FRMD3: variants seen among roughly 807,000 people sequenced by gnomAD.
FRMD3 encodes the protein FERM domain-containing protein 3.
Under a neutral mutation model 70.2 loss-of-function variants are expected in FRMD3, and 33 were observed. That is an observed-to-expected ratio of 0.47 (90% CI 0.36 to 0.63). The LOEUF (loss-of-function observed/expected upper bound fraction) is 0.63, where lower values mean the gene tolerates loss of function less well. Among genes scored for constraint, FRMD3 ranks in the 20% least tolerant of loss-of-function variants. FRMD3 has a pLI of 0.00. For missense variants in FRMD3, 632 were observed against 711.4 expected, an observed-to-expected ratio of 0.89 and a Z score of 1.27; for synonymous variants, 279 against 255.9, an observed-to-expected ratio of 1.09 and a Z score of -0.86.
In FRMD3 at chr9:83,343,103, T is replaced by A. The variant is rs1823829292; in HGVS notation, c.472+87A>T. ...TCTCCAGCCACAGACACAGGCAGGA[T>A]GGCCACGGGTGGGAGAGAAGGGAGG... On this transcript the variant is annotated intron_variant, in intron 5 of 13. Coordinates refer to ENST00000304195, the MANE Select transcript of FRMD3 (RefSeq NM_174938.6). 6 of 929,426 alleles carry A rather than the reference T, an allele frequency of 6.5e-6. No homozygotes were observed. The Admixed American group carries it at 1.1e-4, about 16-fold the overall frequency. The allele number at this position is 929,426 out of a possible 1,614,324, so 57.6% of individuals were successfully genotyped here.
chr9:83,538,138 T>C lies in FRMD3; in HGVS notation c.94A>G (p.Met32Val), dbSNP rs1239811355. The C allele has an allele frequency of 1.2e-6, 2 of 1,613,626 alleles. No homozygotes were observed. The highest frequency in any genetic ancestry group is 1.3e-5 in the African/African-American group (1 of 75,062). Residue 32 changes from methionine (M) to valine (V), a missense_variant, in exon 1 of 14, where the codon ATG (methionine) becomes GTG (valine). Met to Val is a conservative substitution (Grantham distance 21). This residue lies in a region of FRMD3 where 208 missense variants were observed against 247.7 expected (regional missense o/e 0.84). Coordinates refer to ENST00000304195, the MANE Select transcript of FRMD3 (RefSeq NM_174938.6). This position sits in a 1 kb window ranked among gnomAD's most constrained non-coding sequence, Gnocchi z 4.7. ...SSSVKSLSQE[M>V]RCTIRLLDDS... ...TCCAGCAGCCGGATGGTGCATCTCATCTCCTGGCTGAGCGATTTGACGCTG... is the reference window on the plus strand; with the variant it reads ...TCCAGCAGCCGGATGGTGCATCTCACCTCCTGGCTGAGCGATTTGACGCTG...
chr9:83,489,235 A>G (rs568647092), intron 1 of FRMD3, among the ~76,000 whole-genome samples: 18 of 152,308 alleles, frequency 1.2e-4, no homozygotes, highest in Admixed American at 1.0e-3. Flanking sequence ...AGCAATTGCA[A>G]CACAAGCAAA....
chr9:83,578,848 G>T, the FRMD3 span, among the ~76,000 whole-genome samples: 2 of 151,866 alleles, frequency 1.3e-5, no homozygotes, highest in African/African-American at 4.8e-5. Flanking sequence ...GAAATAAAAG[G>T]CATCCAAATA....
upstream of FRMD3, chr9:83,538,446 C>T (rs906159073): frequency 1.6e-5 from 6 of 375,292 alleles, no homozygotes; most frequent in Non-Finnish European, 2.3e-5. This position sits in a 1 kb window ranked among gnomAD's most constrained non-coding sequence, Gnocchi z 4.7. Flanking sequence ...CTCGCCCCCT[C>T]CTTTCCCCGC....
intron 1 of FRMD3, among the ~76,000 whole-genome samples, chr9:83,432,211 C>T (rs1055701209): frequency 6.6e-6 from 1 of 152,186 alleles, no homozygotes; most frequent in African/African-American, 2.4e-5. Context: ...TGCTGGTTAA[C>T]TTGTATGATG....
chr9:83,560,166 A>G, the FRMD3 span, among the ~76,000 whole-genome samples: 1 of 152,188 alleles, frequency 6.6e-6, no homozygotes. Flanking sequence ...TTACACATCC[A>G]TACCTTGGCA....
chr9:83,437,777 GT>G (rs1483324819), intron 1 of FRMD3, among the ~76,000 whole-genome samples: 2 of 152,184 alleles, frequency 1.3e-5, no homozygotes, highest in Non-Finnish European at 2.9e-5. Flanking sequence ...CGGGACACAT[GT>G]GCACCTTCCT....
intron 13 of FRMD3, among the ~76,000 whole-genome samples, chr9:83,253,911 T>C (rs534114391): frequency 3.9e-5 from 6 of 152,280 alleles, no homozygotes; most frequent in African/African-American, 1.4e-4. Flanking sequence ...GTGGCACATA[T>C]ACACCATGGA....
chr9:83,435,039 G>A (rs1827094437), intron 1 of FRMD3, among the ~76,000 whole-genome samples: 1 of 151,988 alleles, frequency 6.6e-6, no homozygotes, highest in South Asian at 2.1e-4. Context: ...ATGTTGGTCA[G>A]GCTGGTCTCG....
chr9:83,285,458 C>A (rs1834168352), intron 13 of FRMD3, among the ~76,000 whole-genome samples: 1 of 152,156 alleles, frequency 6.6e-6, no homozygotes, highest in Non-Finnish European at 1.5e-5. Context: ...CTCCATTGTG[C>A]TTTCATTTTA....
At chr9:83,266,933 C>G in intron 13 of FRMD3, 4 of 1,435,892 alleles carry the variant, frequency 2.8e-6, no homozygotes, top group Non-Finnish European at 2.8e-6. Context: ...CCCTGGGCCT[C>G]TCTCCACCAG....
Position 83,254,823 on chromosome 9 carries a change from C to T in FRMD3, c.1196-6307G>A, listed in dbSNP as rs964612514. 2.6e-5 allele frequency among the ~76,000 whole-genome samples: 4 copies of T among 152,082 alleles called. No individual in the cohort carries two copies. The South Asian group carries it at 8.3e-4, about 32-fold the overall frequency. ...ACACATACACCTTCCCAAGACAGAA[C>T]AGAGAGAAACTGAATATCTGAATAG... On this transcript the variant is annotated intron_variant, in intron 13 of 13. Coordinates refer to ENST00000304195, the MANE Select transcript of FRMD3 (RefSeq NM_174938.6).
chr9:83,266,881 C>T, intron 13 of FRMD3: 1 of 937,454 alleles, frequency 1.1e-6, no homozygotes, highest in Admixed American at 2.6e-5. Flanking sequence ...CCCTTCCTCT[C>T]TCTCTTTTCA....
intron 1 of FRMD3, chr9:83,467,730 G>C (rs1014820447): frequency 7.8e-6 from 12 of 1,528,744 alleles, no homozygotes; most frequent in Non-Finnish European, 9.6e-6. Context: ...CTGTCTCTGG[G>C]AGCTCTAGGG....
intron 1 of FRMD3, among the ~76,000 whole-genome samples, chr9:83,422,934 C>A (rs1260793042): frequency 6.6e-6 from 1 of 152,152 alleles, no homozygotes; most frequent in Non-Finnish European, 1.5e-5. Flanking sequence ...ATTGCTTAGG[C>A]CACCAGGCCA....
chr9:83,547,293 T>C, the FRMD3 span, among the ~76,000 whole-genome samples: 2 of 148,496 alleles, frequency 1.3e-5, no homozygotes, highest in African/African-American at 2.4e-5. Flanking sequence ...TATAATATAA[T>C]ATAACCAAAA....
upstream of FRMD3, among the ~76,000 whole-genome samples, chr9:83,540,653 T>C (rs1829990035): frequency 6.6e-6 from 1 of 151,926 alleles, no homozygotes; most frequent in Non-Finnish European, 1.5e-5. Flanking sequence ...TTGTCAACAA[T>C]AATAATAATA....
At chr9:83,523,290 G>A (rs1164907694) in intron 1 of FRMD3, among the ~76,000 whole-genome samples, 1 of 152,094 alleles carries the variant, frequency 6.6e-6, no homozygotes, top group Admixed American at 6.5e-5. Flanking sequence ...GTGGATAAAT[G>A]ATGAATGAAT....
rs142671764 is a variant in FRMD3, at chr9:83,298,599, G to A, written c.1070+149C>T. On this transcript the variant is annotated intron_variant, in intron 12 of 13. Transcript: ENST00000304195. ...GGAGCCCAGCTGTGCTCATGCCATG[G>A]CCCAGGCAAATCTGTCTGAGTGAGA... 9.7e-4 allele frequency: 622 copies of A among 643,202 alleles called. 15 individuals are homozygous for A. In the East Asian group the frequency reaches 0.017, roughly 18 times the overall value. The allele number at this position is 643,202 out of a possible 1,614,324, so 39.8% of individuals were successfully genotyped here. A position where few individuals can be genotyped will look rare whatever the true frequency, so the allele number is the denominator to read the frequency against.
Sources: gnomAD v4.1 joint callset for allele counts (sites outside exome capture counted in the v4.1 genomes callset) on GRCh38, gnomAD v4.1.1 for gene constraint, gnomAD v4.1.1 regional missense constraint, Gnocchi (gnomAD v3.1) non-coding constraint, MANE v1.5 for transcripts, NCBI Gene and HGNC (gene_info 2026-07-23, HGNC 2026-07-21) for gene names.